Variants in SLC17A1 observed in about 807,000 individuals in gnomAD.
SLC17A1 encodes the protein sodium-dependent phosphate transport protein 1.
In SLC17A1, 51 loss-of-function variants were observed where a neutral mutation model predicts 53.5. That is an observed-to-expected ratio of 0.95 (90% CI 0.76 to 1.20). The LOEUF (loss-of-function observed/expected upper bound fraction) is 1.20, where lower values mean the gene tolerates loss of function less well. Ranked by LOEUF, SLC17A1 falls within the 50% of genes most tolerant of loss-of-function variation. The pLI is 0.00. For missense variants in SLC17A1, 538 were observed against 568.2 expected (o/e 0.95, Z 0.54); for synonymous variants, 179 against 198.8 (o/e 0.90, Z 0.84).
At chr6:25,825,734 T>A (rs1269783316) in intron 3 of SLC17A1, among the ~76,000 whole-genome samples, 1 of 152,030 alleles carries the variant, frequency 6.6e-6, no homozygotes. Context: ...TTGAAAAAAA[T>A]ATTTCTTGTT....
At chr6:25,744,183 G>A in the SLC17A1 span, among the ~76,000 whole-genome samples, 1 of 152,192 alleles carries the variant, frequency 6.6e-6, no homozygotes, top group Non-Finnish European at 1.5e-5. Flanking sequence ...CCTTTGTGTG[G>A]CATGCTAAGG....
chr6:25,822,229 C>T (rs1764587951), intron 3 of SLC17A1, among the ~76,000 whole-genome samples: 3 of 152,146 alleles, frequency 2.0e-5, no homozygotes, highest in South Asian at 4.1e-4. Flanking sequence ...TTTCTTATTT[C>T]GTCTTTTTTT....
the SLC17A1 span, among the ~76,000 whole-genome samples, chr6:25,760,910 T>A: frequency 2.3e-4 from 35 of 152,238 alleles, no homozygotes; most frequent in Non-Finnish European, 3.8e-4. Flanking sequence ...GTTTATTCTA[T>A]TTTTGGAAGT....
chr6:25,812,952 A>C lies in SLC17A1; in HGVS notation c.776T>G (p.Leu259Arg). 6.2e-6 allele frequency: 10 copies of C among 1,614,154 alleles called. No homozygotes were observed. The highest frequency in any genetic ancestry group is 8.5e-6 in the Non-Finnish European group (10 of 1,179,982). The part of the protein sequence containing the change: ...SRQSLPIKAI[L>R]KSLPVWAIST... ...AATAGCCCAGACTGGAAGCGACTTA[A>C]GTATAGCCTTGATAGGCAGAGATTG... Residue 259 changes from leucine to arginine, a missense_variant, in exon 8 of 13, where the codon CTT becomes CGT. Coordinates refer to ENST00000244527, the MANE Select transcript of SLC17A1 (RefSeq NM_005074.5).
the SLC17A1 span, among the ~76,000 whole-genome samples, chr6:25,763,737 C>A: frequency 2.0e-5 from 3 of 152,134 alleles, no homozygotes; most frequent in Non-Finnish European, 4.4e-5. Context: ...AAAAGCTGGG[C>A]CTTCAGGTTC....
At chr6:25,729,077 T>G in the SLC17A1 span, among the ~76,000 whole-genome samples, 2 of 152,200 alleles carry the variant, frequency 1.3e-5, no homozygotes, top group South Asian at 4.1e-4. Context: ...CCAAATAACC[T>G]GTCGACTTTG....
chr6:25,745,559 C>A, the SLC17A1 span, among the ~76,000 whole-genome samples: 1 of 152,128 alleles, frequency 6.6e-6, no homozygotes, highest in Non-Finnish European at 1.5e-5. Flanking sequence ...GTGGGTAAGG[C>A]CAGATCATGG....
At chr6:25,788,995 GTAGA>G (rs1303565514) in intron 12 of SLC17A1, among the ~76,000 whole-genome samples, 4 of 152,096 alleles carry the variant, frequency 2.6e-5, no homozygotes, top group Non-Finnish European at 5.9e-5. Context: ...AGGTAGGTAG[GTAGA>G]TAGATATGTA....
chr6:25,770,375 T>G, the SLC17A1 span: 3 of 1,614,024 alleles, frequency 1.9e-6, no homozygotes, highest in Non-Finnish European at 2.5e-6. Context: ...ATGGAATTTT[T>G]CCCCCCAGGT....
chr6:25,786,166 C>T (rs1045810865), intron 12 of SLC17A1, among the ~76,000 whole-genome samples: 8 of 152,210 alleles, frequency 5.3e-5, no homozygotes, highest in Admixed American at 2.0e-4. Context: ...AGTATTGCTA[C>T]GTGCTACGAC....
chr6:25,828,221 T>A (rs1764821985), intron 2 of SLC17A1, among the ~76,000 whole-genome samples: 1 of 152,006 alleles, frequency 6.6e-6, no homozygotes, highest in Non-Finnish European at 1.5e-5. Flanking sequence ...GCCAGGCCAA[T>A]GTTGGATTTT....
chr6:25,804,074 A>G (rs1763875557), intron 10 of SLC17A1, among the ~76,000 whole-genome samples: 1 of 152,176 alleles, frequency 6.6e-6, no homozygotes, highest in African/African-American at 2.4e-5. Flanking sequence ...GTTAATGATT[A>G]ATATCATTAA....
intron 10 of SLC17A1, among the ~76,000 whole-genome samples, chr6:25,809,966 T>C (rs1269787094): frequency 6.6e-6 from 1 of 151,894 alleles, no homozygotes; most frequent in Non-Finnish European, 1.5e-5. Context: ...AATCCAACAT[T>C]TAGGGTGAAT....
At chr6:25,724,063 C>T in the SLC17A1 span, among the ~76,000 whole-genome samples, 3 of 152,158 alleles carry the variant, frequency 2.0e-5, no homozygotes, top group African/African-American at 7.2e-5. Flanking sequence ...TCTAATATTT[C>T]CCCAAAATAC....
intron 6 of SLC17A1, among the ~76,000 whole-genome samples, chr6:25,817,200 T>C (rs1371698479): frequency 6.6e-6 from 1 of 152,318 alleles, no homozygotes; most frequent in African/African-American, 2.4e-5. Context: ...TTTACTCTAC[T>C]TGGTAATCTC....
chr6:25,801,810 G>T (rs1225866769), intron 10 of SLC17A1, among the ~76,000 whole-genome samples: 1 of 152,024 alleles, frequency 6.6e-6, no homozygotes, highest in Non-Finnish European at 1.5e-5. Flanking sequence ...TAATTTGTGG[G>T]TCCCTGTTCA....
the SLC17A1 span, among the ~76,000 whole-genome samples, chr6:25,754,196 T>C: frequency 1.3e-5 from 2 of 152,170 alleles, no homozygotes; most frequent in East Asian, 3.9e-4. Context: ...AATGCAAATA[T>C]GTATGAGTCT....
chr6:25,811,893 A>G lies in SLC17A1; in HGVS notation c.898-123T>C. ...TACTTTCATATAGGAAATCATCAAC[A>G]TACAACAACAGAATTACTGCTGGGA... On this transcript the variant is annotated intron_variant, in intron 8 of 12. Coordinates refer to ENST00000244527, the MANE Select transcript of SLC17A1 (RefSeq NM_005074.5). 5 of 1,026,674 alleles carry G rather than the reference A, an allele frequency of 4.9e-6. No homozygotes were observed. The South Asian group carries it at 6.4e-5, about 13-fold the overall frequency. The allele number at this position is 1,026,674 out of a possible 1,614,324, so 63.6% of individuals were successfully genotyped here.
At chr6:25,766,733 A>T in the SLC17A1 span, among the ~76,000 whole-genome samples, 3 of 152,214 alleles carry the variant, frequency 2.0e-5, no homozygotes, top group Admixed American at 1.3e-4. Flanking sequence ...CAATTAAGGG[A>T]TGCCCCACAA....
Sources: gnomAD v4.1 joint callset for allele counts (sites outside exome capture counted in the v4.1 genomes callset) on GRCh38, gnomAD v4.1.1 for gene constraint, MANE v1.5 for transcripts, NCBI Gene and HGNC (gene_info 2026-07-23, HGNC 2026-07-21) for gene names.